Variants in TRDN observed in about 807,000 individuals in gnomAD.
The protein encoded by TRDN is triadin.
In TRDN, 161 loss-of-function variants were observed where a neutral mutation model predicts 149.7. That is an observed-to-expected ratio of 1.08 (90% CI 0.95 to 1.23). The LOEUF is 1.23. Ranked by LOEUF, TRDN falls within the 50% of genes most tolerant of loss-of-function variation. The probability of loss-of-function intolerance (pLI) is 0.00; values close to 1 mark genes in which losing one functional copy is unlikely to be tolerated. For missense variants in TRDN, 896 were observed against 823.5 expected, an observed-to-expected ratio of 1.09 and a Z score of -1.08; for synonymous variants, 294 against 250.5, an observed-to-expected ratio of 1.17 and a Z score of -1.64.
At position 123,467,337 on chromosome 6, in the gene TRDN, G is replaced by A. The variant is rs536462467; in HGVS notation, c.854-2354C>T. On this transcript the variant is annotated intron_variant, in intron 9 of 40. Coordinates refer to ENST00000334268, the MANE Select transcript of TRDN (RefSeq NM_006073.4). ...GTAAATTAAAAAAAAAAAAAAGCCT[G>A]GATGCCAATATATATATATTTATTA... is the stretch of plus-strand genomic sequence containing the variant. Among the ~76,000 whole-genome samples, 14 of 151,520 alleles carry A rather than the reference G, an allele frequency of 9.2e-5. No homozygotes were observed. In the South Asian group the frequency reaches 2.9e-3, roughly 32 times the overall value.
At chr6:123,551,995 C>T (rs764016019) in intron 2 of TRDN, among the ~76,000 whole-genome samples, 1 of 151,926 alleles carries the variant, frequency 6.6e-6, no homozygotes, top group Non-Finnish European at 1.5e-5. Context: ...CAGTAGCTGG[C>T]TCTCTGAGAA....
At chr6:123,490,189 A>G (rs1403848796) in intron 9 of TRDN, among the ~76,000 whole-genome samples, 1 of 152,210 alleles carries the variant, frequency 6.6e-6, no homozygotes, top group Non-Finnish European at 1.5e-5. Context: ...AAGAGAAAAA[A>G]GGAAATATAC....
chr6:123,424,997 A>G (rs1313852959), intron 12 of TRDN, among the ~76,000 whole-genome samples: 1 of 152,084 alleles, frequency 6.6e-6, no homozygotes, highest in African/African-American at 2.4e-5. Flanking sequence ...TATGAACTTG[A>G]CTTTAGAGGT....
Position 123,527,225 on chromosome 6 carries a change from C to T in TRDN, c.484+3281G>A, listed in dbSNP as rs12524001. Among the ~76,000 whole-genome samples the T allele has an allele frequency of 2.3e-3, 348 of 152,052 alleles. 7 individuals are homozygous for T. Among genetic ancestry groups the T allele is most frequent in the Admixed American group, 0.019 (291 of 15,238 alleles). On this transcript the variant is annotated intron_variant, in intron 5 of 40. Coordinates refer to ENST00000334268, the MANE Select transcript of TRDN (RefSeq NM_006073.4). Reference sequence around the variant, plus strand: ...AATTAGAATATCTGAGTATTTACCACGGGTAAAGGAAATGTTCTTTAATAA... The same window carrying T: ...AATTAGAATATCTGAGTATTTACCATGGGTAAAGGAAATGTTCTTTAATAA...
rs1775025050 is a variant in TRDN at position 123,218,571 on chromosome 6, A to T, written c.*30T>A. ...CAAAACATCACATTTTTAAAATCTT[A>T]AAGCACTTGTAAGGGTCATACATGT... On this transcript the variant is annotated 3_prime_UTR_variant, in exon 41 of 41. Coordinates refer to ENST00000334268, the MANE Select transcript of TRDN (RefSeq NM_006073.4). The T allele has an allele frequency of 1.3e-6, 2 of 1,585,068 alleles. No homozygotes were observed. The highest frequency in any genetic ancestry group is 2.7e-5 in the African/African-American group (2 of 73,188).
At chr6:123,468,946 A>G (rs1307869471) in intron 9 of TRDN, 1 of 152,198 alleles carries the variant, frequency 6.6e-6, no homozygotes, top group Non-Finnish European at 1.5e-5. Flanking sequence ...AGGACCTCCA[A>G]GTAACCATTG....
intron 5 of TRDN, chr6:123,529,192 G>A: frequency 6.5e-7 from 1 of 1,547,416 alleles, no homozygotes; most frequent in Non-Finnish European, 8.7e-7. Flanking sequence ...AAATGGTGTG[G>A]AACCAGTTGA....
At chr6:123,327,340 C>T (rs957291872) in intron 23 of TRDN, among the ~76,000 whole-genome samples, 2 of 151,832 alleles carry the variant, frequency 1.3e-5, no homozygotes, top group South Asian at 4.1e-4. Flanking sequence ...AAAATATTTT[C>T]TTATTTTTGT....
intron 13 of TRDN, among the ~76,000 whole-genome samples, chr6:123,390,158 C>A (rs1009269211): frequency 5.3e-5 from 8 of 152,030 alleles, no homozygotes; most frequent in African/African-American, 1.7e-4. Flanking sequence ...TCAATTTAAC[C>A]ATAAACACAC....
intron 3 of TRDN, 59 bp downstream of exon 3, chr6:123,548,395 C>T: frequency 7.6e-7 from 1 of 1,320,448 alleles, no homozygotes; most frequent in South Asian, 2.5e-5. Context: ...AGGCAAGCCA[C>T]TATAATACAT....
chr6:123,254,753 C>T (rs11970454), intron 37 of TRDN, among the ~76,000 whole-genome samples: 1 of 151,882 alleles, frequency 6.6e-6, no homozygotes, highest in South Asian at 2.1e-4. Context: ...AAAAATAAAT[C>T]CCAGTAATAT....
intron 1 of TRDN, among the ~76,000 whole-genome samples, chr6:123,613,432 T>C (rs1424977685): frequency 6.6e-6 from 1 of 152,208 alleles, no homozygotes; most frequent in Non-Finnish European, 1.5e-5. Flanking sequence ...GATGAGCATA[T>C]TTTTCAACAC....
At chr6:123,497,157 A>G (rs368767244) in intron 9 of TRDN, 36 bp downstream of exon 9, 262 of 1,474,290 alleles carry the variant, frequency 1.8e-4, no homozygotes, top group Non-Finnish European at 2.3e-4. Context: ...AACAAAGACT[A>G]TTAAAACAGA....
At chr6:123,226,639 A>G (rs767450733) in intron 38 of TRDN, among the ~76,000 whole-genome samples, 1 of 151,872 alleles carries the variant, frequency 6.6e-6, no homozygotes, top group Non-Finnish European at 1.5e-5. Context: ...GACAGTTGCT[A>G]TAGAGATGCA....
At chr6:123,547,917 G>C (rs918561834) in intron 3 of TRDN, among the ~76,000 whole-genome samples, 10 of 151,944 alleles carry the variant, frequency 6.6e-5, no homozygotes, top group Non-Finnish European at 8.8e-5. Flanking sequence ...TAGGTTAGTT[G>C]CATAATTGTT....
At chr6:123,564,793 GAT>G (rs1782196573) in intron 2 of TRDN, among the ~76,000 whole-genome samples, 1 of 152,108 alleles carries the variant, frequency 6.6e-6, no homozygotes, top group Admixed American at 6.5e-5. Flanking sequence ...GTTTTACATA[GAT>G]TATTGTATTT....
intron 12 of TRDN, among the ~76,000 whole-genome samples, chr6:123,396,011 A>T (rs1772710554): frequency 6.6e-6 from 1 of 152,176 alleles, no homozygotes; most frequent in Admixed American, 6.5e-5. Flanking sequence ...ATCATCCTTG[A>T]AACTATTGAG....
chr6:123,316,535 G>A (rs745754343), intron 23 of TRDN, 40 bp from the exon 24 acceptor site: 15 of 1,582,796 alleles, frequency 9.5e-6, no homozygotes, highest in South Asian at 9.1e-5. Context: ...CAAACAAAAG[G>A]GAAAAAAATA....
chr6:123,505,470 C>T (rs529805917), intron 7 of TRDN, among the ~76,000 whole-genome samples: 1 of 151,968 alleles, frequency 6.6e-6, no homozygotes, highest in Non-Finnish European at 1.5e-5. Flanking sequence ...AACACTGTTT[C>T]TCAGATACTT....
Sources: allele counts gnomAD v4.1 joint callset (sites outside exome capture counted in the v4.1 genomes callset), GRCh38; gene constraint gnomAD v4.1.1; transcripts MANE v1.5; gene names NCBI Gene and HGNC (gene_info 2026-07-23, HGNC 2026-07-21).